The following GPHN variants were observed in gnomAD, a reference collection of about 807,000 sequenced individuals.
GPHN encodes gephyrin.
In GPHN, 17 loss-of-function variants were observed where a neutral mutation model predicts 95.5. That is an observed-to-expected ratio of 0.18 (90% CI 0.12 to 0.27). The LOEUF (loss-of-function observed/expected upper bound fraction) is 0.27, where lower values mean the gene tolerates loss of function less well. GPHN is among the 10% of genes least tolerant of loss of function. GPHN has a pLI of 1.00. For missense variants in GPHN, 660 were observed against 978.1 expected (o/e 0.67, Z 4.34); for synonymous variants, 320 against 322.5 (o/e 0.99, Z 0.08).
intron 2 of GPHN, among the ~76,000 whole-genome samples, chr14:66,775,728 C>G (rs530816742): frequency 2.5e-4 from 38 of 152,144 alleles, no homozygotes; most frequent in Non-Finnish European, 2.5e-4. Flanking sequence ...ATATGATACA[C>G]AGTTGGCACA....
At chr14:66,543,778 A>G (rs1173227561) in intron 1 of GPHN, among the ~76,000 whole-genome samples, 1 of 152,148 alleles carries the variant, frequency 6.6e-6, no homozygotes, top group Non-Finnish European at 1.5e-5. Context: ...AGATGTGTCA[A>G]TTCCCCACCA....
At chr14:67,316,088 A>G in the GPHN span, among the ~76,000 whole-genome samples, 1 of 152,246 alleles carries the variant, frequency 6.6e-6, no homozygotes, top group Non-Finnish European at 1.5e-5. Context: ...ACTGAAAAAA[A>G]GTAGATTTAA....
chr14:67,198,880 T>A, the GPHN span: 3 of 673,026 alleles, frequency 4.5e-6, no homozygotes, highest in Non-Finnish European at 8.2e-6. Flanking sequence ...AGTTCAATGA[T>A]AGGGGTCATA....
At chr14:67,564,931 TC>T in the GPHN span, among the ~76,000 whole-genome samples, 1 of 152,070 alleles carries the variant, frequency 6.6e-6, no homozygotes, top group Non-Finnish European at 1.5e-5. Context: ...GCTCAGGTGG[TC>T]CTCCCACCTT....
intron 1 of GPHN, among the ~76,000 whole-genome samples, chr14:66,655,423 C>G (rs1013786845): frequency 5.3e-5 from 8 of 151,976 alleles, no homozygotes; most frequent in African/African-American, 1.9e-4. Context: ...CTAATATATA[C>G]AAATGTAATT....
At chr14:66,883,125 CT>C (rs1380666494) in intron 5 of GPHN, among the ~76,000 whole-genome samples, 1 of 151,330 alleles carries the variant, frequency 6.6e-6, no homozygotes, top group South Asian at 2.1e-4. Context: ...GGGAAATTTC[CT>C]TTTTTTTGCT....
At chr14:67,542,099 GC>G in the GPHN span, 1 of 1,070,132 alleles carries the variant, frequency 9.3e-7, no homozygotes, top group Non-Finnish European at 1.3e-6. Flanking sequence ...TCAGTAAGAT[GC>G]TTTTCCCCAT....
At chr14:67,292,349 T>A in the GPHN span, among the ~76,000 whole-genome samples, 4 of 152,218 alleles carry the variant, frequency 2.6e-5, no homozygotes, top group Non-Finnish European at 2.9e-5. Context: ...AGAGTTTTAC[T>A]TAAAACCTAT....
the GPHN span, among the ~76,000 whole-genome samples, chr14:67,563,104 A>G: frequency 2.0e-5 from 3 of 152,182 alleles, no homozygotes; most frequent in Non-Finnish European, 2.9e-5. Flanking sequence ...GTTGGCTGTC[A>G]TTTCCTGAGT....
the GPHN span, among the ~76,000 whole-genome samples, chr14:67,452,810 G>A: frequency 2.4e-3 from 373 of 152,308 alleles, 1 homozygote; most frequent in African/African-American, 8.5e-3. Context: ...GTATTGGAAT[G>A]GTTACTATTT....
At chr14:67,131,175 G>C (rs541149685) in intron 17 of GPHN, among the ~76,000 whole-genome samples, 3 of 151,966 alleles carry the variant, frequency 2.0e-5, no homozygotes, top group Non-Finnish European at 2.9e-5. Flanking sequence ...TTGGTCATTT[G>C]AGCACATATA....
the GPHN span, among the ~76,000 whole-genome samples, chr14:67,293,815 G>T: frequency 5.3e-5 from 8 of 152,110 alleles, no homozygotes; most frequent in African/African-American, 1.9e-4. Flanking sequence ...AATCATTCCT[G>T]TCCCTTTTAG....
At chr14:67,351,164 A>G in the GPHN span, among the ~76,000 whole-genome samples, 1 of 152,220 alleles carries the variant, frequency 6.6e-6, no homozygotes, top group African/African-American at 2.4e-5. Context: ...TACAGCTACA[A>G]TAAGGAAATA....
the GPHN span, chr14:67,228,265 A>G: frequency 1.9e-5 from 4 of 205,776 alleles, no homozygotes; most frequent in Non-Finnish European, 3.4e-5. Context: ...TATTTTTTAT[A>G]TCAAGAAGAA....
chr14:66,789,949 A>G (rs1050856029), intron 3 of GPHN, among the ~76,000 whole-genome samples: 3 of 152,220 alleles, frequency 2.0e-5, no homozygotes, highest in African/African-American at 7.2e-5. Context: ...AAAATAAAAA[A>G]CATAAGATAA....
At chr14:67,646,954 T>C in the GPHN span, 3 of 1,611,484 alleles carry the variant, frequency 1.9e-6, no homozygotes, top group Non-Finnish European at 2.5e-6. Flanking sequence ...TCCAGTATTT[T>C]TCCATGAGAG....
chr14:67,505,300 G>C, the GPHN span, among the ~76,000 whole-genome samples: 1 of 152,112 alleles, frequency 6.6e-6, no homozygotes, highest in African/African-American at 2.4e-5. Flanking sequence ...ATAGAAAACT[G>C]GCCCTCCTGT....
the GPHN span, among the ~76,000 whole-genome samples, chr14:67,190,612 G>A: frequency 6.6e-6 from 1 of 152,074 alleles, no homozygotes; most frequent in Non-Finnish European, 1.5e-5. Flanking sequence ...AGTAAATTTT[G>A]GGGGAAACAG....
At chr14:66,990,312 G>A (rs2071325839) in intron 9 of GPHN, among the ~76,000 whole-genome samples, 1 of 152,104 alleles carries the variant, frequency 6.6e-6, no homozygotes, top group African/African-American at 2.4e-5. Flanking sequence ...GAGACACAGA[G>A]CCAAACCATA....
Sources: allele counts gnomAD v4.1 joint callset (sites outside exome capture counted in the v4.1 genomes callset), GRCh38; gene constraint gnomAD v4.1.1; transcripts MANE v1.5; gene names NCBI Gene and HGNC (gene_info 2026-07-23, HGNC 2026-07-21).